The following TTC7B variants were observed in gnomAD, a reference collection of about 807,000 sequenced individuals.
TTC7B encodes tetratricopeptide repeat domain 7B.
Under a neutral mutation model 106.8 loss-of-function variants are expected in TTC7B, and 28 were observed. The ratio of observed to expected loss-of-function variants is 0.26; its 90% CI spans 0.19 to 0.36. TTC7B has a LOEUF of 0.36. TTC7B is among the 10% of genes least tolerant of loss of function. The pLI, the probability that TTC7B is intolerant of heterozygous loss-of-function variation, is 1.00. For synonymous variants in TTC7B, 405 were observed against 430.6 expected, an observed-to-expected ratio of 0.94 and a Z score of 0.74; for missense variants, 862 against 1,076.4, an observed-to-expected ratio of 0.80 and a Z score of 2.79.
intron 19 of TTC7B, among the ~76,000 whole-genome samples, chr14:90,576,106 C>T (rs934415982): frequency 4.6e-5 from 7 of 152,118 alleles, no homozygotes; most frequent in South Asian, 2.1e-4. Flanking sequence ...AAAACTCTCC[C>T]GGTGCGATTT....
intron 5 of TTC7B, among the ~76,000 whole-genome samples, chr14:90,696,415 G>A (rs1566841721): frequency 6.6e-6 from 1 of 152,158 alleles, no homozygotes; most frequent in East Asian, 1.9e-4. Flanking sequence ...ATAACTCGGC[G>A]ATATTTATAA....
At chr14:90,698,408 A>G (rs1887849880) in intron 5 of TTC7B, 1 of 152,210 alleles carries the variant, frequency 6.6e-6, no homozygotes, top group South Asian at 2.1e-4. Context: ...CTAAGAAGGA[A>G]CTGTTGCTTA....
rs111825970 is a variant in TTC7B at position 90,530,339 on chromosome 14, G to C, written c.*11029C>G. ...AGGCCAAAATGCTGAGAAGGTGAGC[G>C]CTAAATAGTGGAATTTAATGATCTT... is the stretch of plus-strand genomic sequence containing the variant. On this transcript the variant is annotated 3_prime_UTR_variant, in exon 20 of 20. Coordinates refer to ENST00000328459, the MANE Select transcript of TTC7B (RefSeq NM_001010854.2). 1.3e-5 allele frequency: 2 copies of C among 152,112 alleles called. No individual in the cohort carries two copies. The highest frequency in any genetic ancestry group is 1.9e-4 in the East Asian group (1 of 5,196). The allele number at this position is 152,112 out of a possible 1,614,324, so 9.4% of individuals were successfully genotyped here.
At chr14:90,700,690 A>G (rs777620277) in intron 5 of TTC7B, among the ~76,000 whole-genome samples, 2 of 127,186 alleles carry the variant, frequency 1.6e-5, no homozygotes, top group Admixed American at 8.1e-5. Context: ...TATGGTATGT[A>G]TCTGCTTTTC....
At position 90,541,310 on chromosome 14, in the gene TTC7B, C is replaced by T. The variant is rs376961610; in HGVS notation, c.*58G>A. The T allele has an allele frequency of 4.0e-6, 6 of 1,481,938 alleles. No homozygotes were observed. In the African/African-American group the frequency reaches 6.8e-5, roughly 17 times the overall value. 91.8% of individuals were successfully genotyped at this position (1,481,938 alleles called of 1,614,324 possible). On this transcript the variant is annotated 3_prime_UTR_variant, in exon 20 of 20. Coordinates refer to ENST00000328459, the MANE Select transcript of TTC7B (RefSeq NM_001010854.2). ...TCCCCTTGGGGCGATGGCACAAGCC[C>T]TGGTGCCCGGCAGGGCCTCTGAGGC...
intron 9 of TTC7B, among the ~76,000 whole-genome samples, chr14:90,662,086 GC>G (rs1886230775): frequency 6.6e-6 from 1 of 152,204 alleles, no homozygotes; most frequent in Non-Finnish European, 1.5e-5. Flanking sequence ...AAAGGAGAGG[GC>G]CCTTGTCATT....
chr14:90,637,837 A>G (rs1187120544), intron 15 of TTC7B, among the ~76,000 whole-genome samples: 1 of 152,226 alleles, frequency 6.6e-6, no homozygotes, highest in Non-Finnish European at 1.5e-5. Context: ...CTCTTAATAA[A>G]CCAGGAAGAA....
chr14:90,596,065 A>G (rs1892189926), intron 17 of TTC7B, among the ~76,000 whole-genome samples: 1 of 152,112 alleles, frequency 6.6e-6, no homozygotes, highest in African/African-American at 2.4e-5. Flanking sequence ...GACCCTAAAG[A>G]GGTTGTTTAT....
chr14:90,546,582 A>G (rs866699698), intron 19 of TTC7B, among the ~76,000 whole-genome samples: 7 of 151,992 alleles, frequency 4.6e-5, no homozygotes, highest in African/African-American at 1.7e-4. Context: ...GCCATAATGC[A>G]CCCCATCCCT....
intron 17 of TTC7B, among the ~76,000 whole-genome samples, chr14:90,598,358 A>G (rs1892297434): frequency 6.6e-6 from 1 of 152,198 alleles, no homozygotes; most frequent in Non-Finnish European, 1.5e-5. Flanking sequence ...TAGATCCTCA[A>G]TCGAAAATGT....
At chr14:90,745,666 T>C (rs1173449834) in intron 3 of TTC7B, among the ~76,000 whole-genome samples, 2 of 152,066 alleles carry the variant, frequency 1.3e-5, no homozygotes, top group East Asian at 3.9e-4. Flanking sequence ...TTTATATTTT[T>C]GGATTTGATT....
At chr14:90,790,554 G>C (rs1891551155) in intron 1 of TTC7B, among the ~76,000 whole-genome samples, 2 of 151,994 alleles carry the variant, frequency 1.3e-5, no homozygotes, top group Admixed American at 1.3e-4. Context: ...ACCTCTTTCG[G>C]CCTGAGCGGA....
At chr14:90,735,086 CT>C (rs1889467497) in intron 4 of TTC7B, among the ~76,000 whole-genome samples, 1 of 152,166 alleles carries the variant, frequency 6.6e-6, no homozygotes. Context: ...AGGGCAGGCT[CT>C]GTGACATACC....
chr14:90,787,402 T>G (rs1045371606), intron 1 of TTC7B, among the ~76,000 whole-genome samples: 1 of 152,136 alleles, frequency 6.6e-6, no homozygotes, highest in African/African-American at 2.4e-5. Context: ...AGAACATAAT[T>G]GTATTAAAAT....
chr14:90,526,871 A>G lies in TTC7B; in HGVS notation c.*14497T>C, dbSNP rs1326196848. 6.6e-6 allele frequency: 1 copy of G among 152,078 alleles called. No homozygotes were observed. Among genetic ancestry groups the G allele is most frequent in the Non-Finnish European group, 1.5e-5 (1 of 68,024 alleles). 9.4% of individuals were successfully genotyped at this position (152,078 alleles called of 1,614,324 possible). A position where few individuals can be genotyped will look rare whatever the true frequency, so the allele number is the denominator to read the frequency against. ...ATTAAACTCGTTTTCTTTATAAATT[A>G]CCTAGTCTCGGGTATGTCTTTATTA... On this transcript the variant is annotated 3_prime_UTR_variant, in exon 20 of 20. Transcript: ENST00000328459.
At chr14:90,647,304 G>A (rs1885502652) in intron 13 of TTC7B, 4 of 372,766 alleles carry the variant, frequency 1.1e-5, no homozygotes, top group East Asian at 1.1e-4. Context: ...GCCTCGAGGT[G>A]AAGAATCCAT....
At chr14:90,557,075 G>A (rs1412051638) in intron 19 of TTC7B, among the ~76,000 whole-genome samples, 1 of 152,130 alleles carries the variant, frequency 6.6e-6, no homozygotes, top group Non-Finnish European at 1.5e-5. Flanking sequence ...TGAGACAGGG[G>A]GTCCTAGAAA....
At chr14:90,612,608 G>A (rs1305178622) in intron 16 of TTC7B, among the ~76,000 whole-genome samples, 1 of 152,154 alleles carries the variant, frequency 6.6e-6, no homozygotes, top group African/African-American at 2.4e-5. Flanking sequence ...TGTCACTAAT[G>A]AGGAGGTCAC....
chr14:90,767,335 T>C (rs764998758), intron 3 of TTC7B, among the ~76,000 whole-genome samples: 5 of 152,094 alleles, frequency 3.3e-5, no homozygotes, highest in Admixed American at 6.5e-5. Context: ...GACAGGACAA[T>C]AGAAATTATT....
Sources: allele counts gnomAD v4.1 joint callset (sites outside exome capture counted in the v4.1 genomes callset), GRCh38; gene constraint gnomAD v4.1.1; transcripts MANE v1.5; gene names NCBI Gene and HGNC (gene_info 2026-07-23, HGNC 2026-07-21).